Variants in NAALADL2 observed in about 807,000 individuals in gnomAD.
NAALADL2 encodes the protein N-acetylated alpha-linked acidic dipeptidase like 2.
Under a neutral mutation model 87.2 loss-of-function variants are expected in NAALADL2, and 76 were observed. That is an observed-to-expected ratio of 0.87 (90% CI 0.72 to 1.05). The LOEUF (loss-of-function observed/expected upper bound fraction) is 1.05, where lower values mean the gene tolerates loss of function less well. Ranked by LOEUF, NAALADL2 falls within the 50% of genes least tolerant of loss-of-function variation. The pLI, the probability that NAALADL2 is intolerant of heterozygous loss-of-function variation, is 0.00. For missense variants in NAALADL2, 1,089 were observed against 945.8 expected (o/e 1.15, Z -1.99); for synonymous variants, 354 against 331.0 (o/e 1.07, Z -0.75).
At chr3:174,877,187 A>C (rs1389063526) in intron 1 of NAALADL2, among the ~76,000 whole-genome samples, 1 of 152,096 alleles carries the variant, frequency 6.6e-6, no homozygotes, top group Non-Finnish European at 1.5e-5. Flanking sequence ...TCAGTCCATA[A>C]GTTGTGCTAT....
rs1751766940 is a variant in NAALADL2 at position 175,265,458 on chromosome 3, A to G, written c.939+8928A>G. ...TTGAGGTCTAATTATTAGTCACTAT[A>G]TATATGGCTCTAAGTTCTCGCTCAT... On this transcript the variant is annotated intron_variant, in intron 4 of 13. Coordinates refer to ENST00000454872, the MANE Select transcript of NAALADL2 (RefSeq NM_207015.3). Among the ~76,000 whole-genome samples, 5 of 151,664 alleles carry G rather than the reference A, an allele frequency of 3.3e-5. 1 individual carries two copies. In the South Asian group the frequency reaches 1.0e-3, roughly 31 times the overall value.
intron 11 of NAALADL2, among the ~76,000 whole-genome samples, chr3:175,717,388 A>C (rs753001018): frequency 2.0e-5 from 3 of 151,992 alleles, no homozygotes; most frequent in Non-Finnish European, 4.4e-5. Context: ...TTGTTTTTTT[A>C]AATCAAAAAA....
At chr3:175,152,657 G>T (rs1731711037) in intron 2 of NAALADL2, among the ~76,000 whole-genome samples, 1 of 152,166 alleles carries the variant, frequency 6.6e-6, no homozygotes, top group Non-Finnish European at 1.5e-5. Context: ...AGTAATCCCA[G>T]CACTTTGGGA....
intron 5 of NAALADL2, among the ~76,000 whole-genome samples, chr3:175,337,447 G>T (rs1169038391): frequency 6.6e-6 from 1 of 151,960 alleles, no homozygotes; most frequent in Non-Finnish European, 1.5e-5. Context: ...TGAAATGAAG[G>T]CATTGGGGCA....
intron 1 of NAALADL2, among the ~76,000 whole-genome samples, chr3:174,954,981 AT>A (rs1279918115): frequency 6.6e-6 from 1 of 152,208 alleles, no homozygotes; most frequent in African/African-American, 2.4e-5. Flanking sequence ...ACAATATATT[AT>A]TTTTTAAAGT....
intron 2 of NAALADL2, among the ~76,000 whole-genome samples, chr3:175,146,373 A>G (rs1223142910): frequency 6.6e-6 from 1 of 152,176 alleles, no homozygotes; most frequent in African/African-American, 2.4e-5. Context: ...CACAGCTTTT[A>G]TAGAAAAATG....
intron 10 of NAALADL2, among the ~76,000 whole-genome samples, chr3:175,588,831 C>A (rs935587262): frequency 1.3e-5 from 2 of 152,096 alleles, no homozygotes; most frequent in African/African-American, 2.4e-5. Context: ...AGCCACCGTG[C>A]CCTGCCAGGA....
chr3:175,130,643 G>C (rs1727682692), intron 2 of NAALADL2, among the ~76,000 whole-genome samples: 1 of 152,156 alleles, frequency 6.6e-6, no homozygotes, highest in African/African-American at 2.4e-5. Context: ...TATCAAATTA[G>C]TTGAACACCA....
chr3:175,698,746 A>G lies in NAALADL2; in HGVS notation c.1897-38560A>G, dbSNP rs76530124. On this transcript the variant is annotated intron_variant, in intron 11 of 13. Coordinates refer to ENST00000454872, the MANE Select transcript of NAALADL2 (RefSeq NM_207015.3). Reference sequence around the variant, plus strand: ...GACATTATAACCATTTAGCCACATTAATACAATTACCTCCAGCTTTATAAT... The same window carrying G: ...GACATTATAACCATTTAGCCACATTGATACAATTACCTCCAGCTTTATAAT... Among the ~76,000 whole-genome samples the G allele has an allele frequency of 4.3e-3, 647 of 151,844 alleles. 6 individuals carry two copies. The highest frequency in any genetic ancestry group is 0.015 in the African/African-American group (621 of 41,502).
intron 1 of NAALADL2, among the ~76,000 whole-genome samples, chr3:174,461,334 A>C (rs1312757504): frequency 6.6e-6 from 1 of 152,110 alleles, no homozygotes; most frequent in Non-Finnish European, 1.5e-5. Context: ...GTTTTTCATA[A>C]ACATTCTATT....
At chr3:175,640,196 TC>T (rs2149756138) in intron 11 of NAALADL2, among the ~76,000 whole-genome samples, 1 of 152,328 alleles carries the variant, frequency 6.6e-6, no homozygotes, top group Admixed American at 6.5e-5. Flanking sequence ...TAGGATTCAT[TC>T]TTCCTGTGGA....
chr3:174,767,736 C>G (rs1430218510), intron 3 of NAALADL2, among the ~76,000 whole-genome samples: 1 of 152,168 alleles, frequency 6.6e-6, no homozygotes, highest in Non-Finnish European at 1.5e-5. Flanking sequence ...TCTCAATTCT[C>G]CAAAAATAGA....
At chr3:174,789,748 C>T (rs1182598785) in intron 3 of NAALADL2, among the ~76,000 whole-genome samples, 4 of 152,120 alleles carry the variant, frequency 2.6e-5, no homozygotes, top group African/African-American at 9.7e-5. Flanking sequence ...ATCATAGTTC[C>T]AATTATAAGG....
At chr3:174,931,541 G>C (rs1247638981) in intron 1 of NAALADL2, among the ~76,000 whole-genome samples, 2 of 152,088 alleles carry the variant, frequency 1.3e-5, no homozygotes, top group Admixed American at 6.6e-5. Context: ...ATATTCATTT[G>C]GTTTAGTCAA....
intron 3 of NAALADL2, among the ~76,000 whole-genome samples, chr3:174,809,828 A>G (rs993410747): frequency 6.6e-6 from 1 of 152,168 alleles, no homozygotes; most frequent in African/African-American, 2.4e-5. Flanking sequence ...GTGGGGCCTC[A>G]TGGGAGGTGA....
intron 1 of NAALADL2, among the ~76,000 whole-genome samples, chr3:174,875,375 C>T (rs1188215304): frequency 1.3e-5 from 2 of 152,014 alleles, no homozygotes; most frequent in African/African-American, 4.8e-5. Flanking sequence ...TATGTACACA[C>T]ATACATATAT....
intron 10 of NAALADL2, among the ~76,000 whole-genome samples, chr3:175,588,156 G>A (rs898031092): frequency 6.6e-6 from 1 of 151,900 alleles, no homozygotes; most frequent in African/African-American, 2.4e-5. Context: ...GTAACGCCTG[G>A]TAGGAAAAGT....
chr3:175,432,280 A>C (rs1174343104), intron 5 of NAALADL2, among the ~76,000 whole-genome samples: 1 of 152,042 alleles, frequency 6.6e-6, no homozygotes, highest in East Asian at 1.9e-4. Flanking sequence ...CACCTGGTAC[A>C]AATGGGATCT....
intron 1 of NAALADL2, among the ~76,000 whole-genome samples, chr3:175,048,638 A>G (rs1253240137): frequency 2.6e-5 from 4 of 151,940 alleles, no homozygotes; most frequent in Non-Finnish European, 4.4e-5. Flanking sequence ...GTTTACTTAT[A>G]GGATTGAATT....
Sources: allele counts gnomAD v4.1 joint callset (sites outside exome capture counted in the v4.1 genomes callset), GRCh38; gene constraint gnomAD v4.1.1; transcripts MANE v1.5; gene names NCBI Gene and HGNC (gene_info 2026-07-23, HGNC 2026-07-21).